Variants in OR2L2 observed in about 807,000 individuals in gnomAD.
The protein encoded by OR2L2 is olfactory receptor family 2 subfamily L member 2, also known as olfactory receptor 2L2.
For synonymous variants in OR2L2, 156 were observed against 135.4 expected, an observed-to-expected ratio of 1.15 and a Z score of -1.06; for missense variants, 378 against 375.2, an observed-to-expected ratio of 1.01 and a Z score of -0.06.
Position 248,038,297 on chromosome 1 carries a change from T to C in OR2L2, c.30T>C (p.Asp10=), listed in dbSNP as rs1188348596. The C allele has an allele frequency of 6.2e-7, 1 of 1,612,166 alleles. No individual in the cohort carries two copies. The highest frequency in any genetic ancestry group is 8.5e-7 in the Non-Finnish European group (1 of 1,178,764). The change falls in exon 3 of 3, where the codon GAT becomes GAC. Residue 10 remains aspartate (D), a synonymous_variant. Coordinates refer to ENST00000641771, the MANE Select transcript of OR2L2 (RefSeq NM_001385855.1). MENYNQTST[D]FILLGLFPQS... ...AAAATTACAATCAAACATCAACTGATTTCATCTTATTGGGGCTGTTCCCAC... is the reference window on the plus strand; with the variant it reads ...AAAATTACAATCAAACATCAACTGACTTCATCTTATTGGGGCTGTTCCCAC...
At chr1:248,037,077 T>G (rs1166189160) in intron 2 of OR2L2, among the ~76,000 whole-genome samples, 1 of 152,062 alleles carries the variant, frequency 6.6e-6, no homozygotes, top group African/African-American at 2.4e-5. Flanking sequence ...ATTCAGAAAT[T>G]GGATGAGAAG....
At chr1:248,034,332 T>C (rs551586099) in intron 1 of OR2L2, among the ~76,000 whole-genome samples, 1 of 152,204 alleles carries the variant, frequency 6.6e-6, no homozygotes, top group Admixed American at 6.5e-5. Flanking sequence ...AGAGTCTGCA[T>C]AGCCAAAGCA....
Position 248,040,797 on chromosome 1 carries a change from G to A in OR2L2, c.*1591G>A, listed in dbSNP as rs1662928806. 6.6e-6 allele frequency: 1 copy of A among 152,082 alleles called. No individual in the cohort carries two copies. Among genetic ancestry groups the A allele is most frequent in the Non-Finnish European group, 1.5e-5 (1 of 67,998 alleles). 9.4% of individuals were successfully genotyped at this position (152,082 alleles called of 1,614,324 possible). A position where few individuals can be genotyped will look rare whatever the true frequency, so the allele number is the denominator to read the frequency against. ...AGTTAAATGCATATTCTACTGCTTG[G>A]CGGTCAGTGACCCTAATTTCCGCGT... On this transcript the variant is annotated 3_prime_UTR_variant, in exon 3 of 3. Coordinates refer to ENST00000641771, the MANE Select transcript of OR2L2 (RefSeq NM_001385855.1).
intron 1 of OR2L2, among the ~76,000 whole-genome samples, chr1:248,031,903 A>C (rs1662631078): frequency 6.6e-6 from 1 of 152,132 alleles, no homozygotes; most frequent in Non-Finnish European, 1.5e-5. Context: ...TAATATTCTG[A>C]CATATATTAC....
At chr1:248,031,337 C>G (rs558795591) in intron 1 of OR2L2, among the ~76,000 whole-genome samples, 7 of 152,160 alleles carry the variant, frequency 4.6e-5, no homozygotes, top group Admixed American at 1.3e-4. Context: ...ATTGTAACAT[C>G]GCAGAACACA....
In OR2L2 at chr1:248,038,973, G is replaced by A. The variant is rs779306380; in HGVS notation, c.706G>A (p.Ala236Thr). ...GCACTCTGCAGAAGGGAGGAAGAAGGCCTATTCAACCTGTAGCACCCACCT... is the reference window on the plus strand; with the variant it reads ...GCACTCTGCAGAAGGGAGGAAGAAGACCTATTCAACCTGTAGCACCCACCT... Reference protein sequence around the residue: ...RMHSAEGRKKAYSTCSTHLTV... With the variant: ...RMHSAEGRKKTYSTCSTHLTV... Residue 236 changes from alanine (A) to threonine (T), a missense_variant, in exon 3 of 3, where the codon GCC becomes ACC. Coordinates refer to ENST00000641771, the MANE Select transcript of OR2L2 (RefSeq NM_001385855.1). The A allele has an allele frequency of 1.2e-6, 2 of 1,614,040 alleles. No individual in the cohort carries two copies. Among genetic ancestry groups the A allele is most frequent in the South Asian group, 1.1e-5 (1 of 91,080 alleles).
At chr1:248,030,642 G>A (rs1662593915) in intron 1 of OR2L2, among the ~76,000 whole-genome samples, 1 of 152,066 alleles carries the variant, frequency 6.6e-6, no homozygotes, top group Admixed American at 6.5e-5. Flanking sequence ...AGTGATGTGC[G>A]ATTGTACGAT....
chr1:248,034,208 C>G lies in OR2L2; in HGVS notation c.-96-1342C>G, dbSNP rs1001785697. On this transcript the variant is annotated intron_variant, in intron 1 of 2. Transcript: ENST00000641771. Reference sequence around the variant, plus strand: ...TACCATGCTCATGGATAGGTAGAATCAATATTGTGAAAATGACCATATTGC... The same window carrying G: ...TACCATGCTCATGGATAGGTAGAATGAATATTGTGAAAATGACCATATTGC... Among the ~76,000 whole-genome samples, 9 of 152,106 alleles carry G rather than the reference C, an allele frequency of 5.9e-5. No homozygotes were observed. The East Asian group carries it at 1.7e-3, about 29-fold the overall frequency.
At chr1:248,033,595 C>G (rs750370285) in intron 1 of OR2L2, among the ~76,000 whole-genome samples, 3 of 113,632 alleles carry the variant, frequency 2.6e-5, no homozygotes, top group Non-Finnish European at 5.4e-5. Flanking sequence ...AGCCACCACA[C>G]CTGGCTAATT....
At position 248,040,479 on chromosome 1, in the gene OR2L2, C is replaced by T. The variant is rs1662919694; in HGVS notation, c.*1273C>T. 1 of 152,276 alleles carries T rather than the reference C, an allele frequency of 6.6e-6. No homozygotes were observed. Among genetic ancestry groups the T allele is most frequent in the Admixed American group, 6.5e-5 (1 of 15,282 alleles). 9.4% of individuals were successfully genotyped at this position (152,276 alleles called of 1,614,324 possible). On this transcript the variant is annotated 3_prime_UTR_variant, in exon 3 of 3. Transcript: ENST00000641771. ...TGGATTTTGTTCTGCCTCCACCACT[C>T]CTGAGACAACAAGTACAACCTCTCC... is the stretch of plus-strand genomic sequence containing the variant.
rs1662918886 is a variant in OR2L2, at chr1:248,040,450, T to A, written c.*1244T>A. The A allele has an allele frequency of 6.6e-6, 1 of 152,172 alleles. No individual in the cohort carries two copies. The highest frequency in any genetic ancestry group is 2.4e-5 in the African/African-American group (1 of 41,442). The allele number at this position is 152,172 out of a possible 1,614,324, so 9.4% of individuals were successfully genotyped here. On this transcript the variant is annotated 3_prime_UTR_variant, in exon 3 of 3. Transcript: ENST00000641771. ...GATTTGAACTGTGCAGGTCCACATA[T>A]ATGTGGATTTTGTTCTGCCTCCACC...
In OR2L2 at chr1:248,031,974, A is replaced by G. The variant is rs569458691; in HGVS notation, c.-97+1739A>G. Among the ~76,000 whole-genome samples the G allele has an allele frequency of 1.6e-4, 24 of 152,266 alleles. No individual in the cohort carries two copies. In the East Asian group the frequency reaches 3.7e-3, roughly 23 times the overall value. ...TGGAAAGTTTGTCATCGACTGCCCT[A>G]TATAAAATACAAATAATAGAAATGT... On this transcript the variant is annotated intron_variant, in intron 1 of 2. Transcript: ENST00000641771.
intron 2 of OR2L2, among the ~76,000 whole-genome samples, chr1:248,037,215 G>A (rs994374947): frequency 3.3e-5 from 5 of 152,092 alleles, no homozygotes; most frequent in African/African-American, 7.2e-5. Flanking sequence ...AAATAATGAT[G>A]TCTAACTTAG....
At position 248,039,477 on chromosome 1, in the gene OR2L2, A is replaced by G. The variant is rs1296097775; in HGVS notation, c.*271A>G. ...CTCTTGTTGCCCAGGCTCTAATGCA[A>G]TGGCGCAATCTCAGCTCCCCATAAC... On this transcript the variant is annotated 3_prime_UTR_variant, in exon 3 of 3. Transcript: ENST00000641771. 2.4e-5 allele frequency: 6 copies of G among 251,398 alleles called. No homozygotes were observed. The highest frequency in any genetic ancestry group is 4.6e-5 in the African/African-American group (2 of 43,944). The allele number at this position is 251,398 out of a possible 1,614,324, so 15.6% of individuals were successfully genotyped here. A position where few individuals can be genotyped will look rare whatever the true frequency, so the allele number is the denominator to read the frequency against.
chr1:248,031,789 A>G (rs1201528190), intron 1 of OR2L2, among the ~76,000 whole-genome samples: 1 of 152,158 alleles, frequency 6.6e-6, no homozygotes, highest in Non-Finnish European at 1.5e-5. Context: ...ACAGTTAAGT[A>G]AGAGGTAGGG....
At chr1:248,036,514 TTAAG>T (rs1662765574) in intron 2 of OR2L2, among the ~76,000 whole-genome samples, 1 of 152,206 alleles carries the variant, frequency 6.6e-6, no homozygotes, top group Admixed American at 6.5e-5. Context: ...GTATTGATCC[TTAAG>T]TGAGTGTTCA....
intron 2 of OR2L2, among the ~76,000 whole-genome samples, chr1:248,035,909 A>G (rs1160673741): frequency 6.6e-6 from 1 of 152,170 alleles, no homozygotes; most frequent in African/African-American, 2.4e-5. Flanking sequence ...TACATAAAAT[A>G]TATACTCTTG....
rs762143485 is a variant in OR2L2 at position 248,038,791 on chromosome 1, A to C, written c.524A>C (p.His175Pro). ...IPYCKSRAIN[H>P]FFCDVPAMLT... Reference sequence around the variant, plus strand: ...TATTGCAAGTCCAGAGCCATCAATCATTTTTTCTGTGATGTTCCAGCTATG... The same window carrying C: ...TATTGCAAGTCCAGAGCCATCAATCCTTTTTTCTGTGATGTTCCAGCTATG... Residue 175 changes from histidine (H) to proline (P), a missense_variant, in exon 3 of 3, where the codon CAT (histidine) becomes CCT (proline). By Grantham distance (77) the His-to-Pro change is moderately conservative. Transcript: ENST00000641771. 74 of 1,613,866 alleles carry C rather than the reference A, an allele frequency of 4.6e-5. No homozygotes were observed. Among genetic ancestry groups the C allele is most frequent in the Non-Finnish European group, 6.0e-5 (71 of 1,180,022 alleles).
intron 1 of OR2L2, among the ~76,000 whole-genome samples, chr1:248,032,580 G>A (rs1662648028): frequency 6.6e-6 from 1 of 152,048 alleles, no homozygotes; most frequent in Admixed American, 6.6e-5. Flanking sequence ...ACTACTCTGG[G>A]TACTTCCTGT....
Sources: allele counts gnomAD v4.1 joint callset (sites outside exome capture counted in the v4.1 genomes callset), GRCh38; gene constraint gnomAD v4.1.1; transcripts MANE v1.5; gene names NCBI Gene and HGNC (gene_info 2026-07-23, HGNC 2026-07-21).